The following NOC2L variants were observed in gnomAD, a reference collection of about 807,000 sequenced individuals.
The protein encoded by NOC2L is nucleolar complex protein 2 homolog.
Under a neutral mutation model 94.2 loss-of-function variants are expected in NOC2L, and 101 were observed. The ratio of observed to expected loss-of-function variants is 1.07; its 90% CI spans 0.91 to 1.26. The LOEUF is 1.26. Among genes scored for constraint, NOC2L ranks in the 50% most tolerant of loss-of-function variants. The pLI, the probability that NOC2L is intolerant of heterozygous loss-of-function variation, is 0.00. For synonymous variants in NOC2L, 531 were observed against 413.4 expected, an observed-to-expected ratio of 1.28 and a Z score of -3.45; for missense variants, 1,076 against 980.1, an observed-to-expected ratio of 1.10 and a Z score of -1.31.
At chr1:947,347 C>G (rs891507710) in intron 14 of NOC2L, among the ~76,000 whole-genome samples, 7 of 152,228 alleles carry the variant, frequency 4.6e-5, no homozygotes, top group Non-Finnish European at 1.0e-4. Context: ...GGTCCCGGCT[C>G]TGTGCATGTG....
intron 6 of NOC2L, 105 bp downstream of exon 6, chr1:955,818 G>A: frequency 1.0e-6 from 1 of 977,828 alleles, no homozygotes; most frequent in East Asian, 2.6e-5. Flanking sequence ...GAAGACGCTG[G>A]CTCTGTTGCC....
At chr1:949,958 G>A (rs1465090037) in intron 12 of NOC2L, among the ~76,000 whole-genome samples, 1 of 152,222 alleles carries the variant, frequency 6.6e-6, no homozygotes, top group Non-Finnish European at 1.5e-5. Context: ...TAAACAGGGT[G>A]GAGATCGTGA....
At chr1:950,714 G>A (rs1245511605) in intron 12 of NOC2L, among the ~76,000 whole-genome samples, 15 of 152,088 alleles carry the variant, frequency 9.9e-5, no homozygotes, top group Admixed American at 9.8e-4. Context: ...ACACACGCAT[G>A]CATGCACAGA....
At chr1:947,589 G>A (rs1045045032) in intron 14 of NOC2L, among the ~76,000 whole-genome samples, 1 of 152,238 alleles carries the variant, frequency 6.6e-6, no homozygotes, top group Non-Finnish European at 1.5e-5. Context: ...CAGACCTCCC[G>A]TGGGGGCCCA....
At chr1:957,296 C>T in intron 2 of NOC2L, 23 bp from the exon 3 acceptor site, 1 of 1,610,968 alleles carries the variant, frequency 6.2e-7, no homozygotes, top group Non-Finnish European at 8.5e-7. Context: ...AAGTCAGCGA[C>T]CCCAGTGGGA....
intron 16 of NOC2L, 72 bp from the exon 17 acceptor site, chr1:945,725 C>T (rs1250875313): frequency 5.0e-6 from 8 of 1,597,626 alleles, no homozygotes; most frequent in South Asian, 2.2e-5. Flanking sequence ...GGCCAGGCAT[C>T]GCCAGACCCA....
chr1:958,883 G>C, intron 2 of NOC2L, 46 bp downstream of exon 2: 3 of 1,609,790 alleles, frequency 1.9e-6, no homozygotes, highest in Non-Finnish European at 1.7e-6. Context: ...CAACCGGGGT[G>C]GGACAGGACG....
At chr1:947,028 G>T (rs1171460378) in intron 14 of NOC2L, 1 of 164,320 alleles carries the variant, frequency 6.1e-6, no homozygotes, top group African/African-American at 2.4e-5. Context: ...TTGCACTCCA[G>T]CCTGGGCAAC....
intron 10 of NOC2L, 33 bp downstream of exon 10, chr1:952,379 C>T: frequency 6.2e-7 from 1 of 1,607,304 alleles, no homozygotes; most frequent in Non-Finnish European, 8.5e-7. Flanking sequence ...CACCCCATGC[C>T]CAGCATGAGC....
chr1:950,372 GAC>G (rs757547988), intron 12 of NOC2L, among the ~76,000 whole-genome samples: 13 of 143,998 alleles, frequency 9.0e-5, no homozygotes, highest in African/African-American at 3.4e-4. Flanking sequence ...TGCACAGGTA[GAC>G]ACATGCAGAC....
At chr1:949,734 G>A (rs926002071) in intron 12 of NOC2L, among the ~76,000 whole-genome samples, 2 of 152,194 alleles carry the variant, frequency 1.3e-5, no homozygotes, top group Admixed American at 6.5e-5. Context: ...AGACACAGGG[G>A]CCAGGCCAAG....
rs58931985 is a variant in NOC2L, at chr1:954,070, C to A, written c.711G>T (p.Pro237=). ...GCTTCCCCCAGAGCGGGCTGCTGGA[C>A]GGCTGCAGCATCCTGCAGAGAGACC... The part of the protein sequence containing the change: ...VAKDSSRMLQ[P]SSSPLWGKLR... The change falls in exon 7 of 19, where the codon CCG becomes CCT. Residue 237 remains proline (P), a synonymous_variant. Coordinates refer to ENST00000327044, the MANE Select transcript of NOC2L (RefSeq NM_015658.4). The A allele has an allele frequency of 1.8e-4, 297 of 1,611,130 alleles. No individual in the cohort carries two copies. The African/African-American group carries it at 3.7e-3, about 20-fold the overall frequency.
intron 12 of NOC2L, among the ~76,000 whole-genome samples, chr1:950,498 CAA>C (rs1642227338): frequency 6.6e-6 from 1 of 151,924 alleles, no homozygotes; most frequent in South Asian, 2.1e-4. Flanking sequence ...CACTGGTATA[CAA>C]AGACACATGC....
chr1:944,834 C>G (rs755415900), intron 18 of NOC2L, 34 bp from the exon 19 acceptor site: 1 of 1,459,024 alleles, frequency 6.9e-7, no homozygotes, highest in East Asian at 2.3e-5. Flanking sequence ...ATAAATTTTG[C>G]TTTATCAGGA....
rs1642063189 is a variant in NOC2L at position 945,131 on chromosome 1, A to G, written c.2069T>C (p.Leu690Pro). The G allele has an allele frequency of 6.2e-7, 1 of 1,609,526 alleles. No individual in the cohort carries two copies. Residue 690 changes from leucine (L) to proline (P), a missense_variant, in exon 18 of 19, where the codon CTG becomes CCG. Around this residue, in one of 3 missense-constraint regions of NOC2L, gnomAD observed 615 missense variants for 577.4 expected, o/e 1.07. Transcript: ENST00000327044. ...GFSERGILRP[L>P]STRHGVEDDE... is the part of the protein sequence containing the mutation. The stretch of plus-strand genomic sequence containing the variant: ...GTCTTCCACCCCATGCCGAGTGCTC[A>G]GGGGCCTCAGTATCCCTGAGGAACA...
In NOC2L at chr1:957,018, C is replaced by G. The variant is rs1642422366; in HGVS notation, c.362G>C (p.Ser121Thr). The G allele has an allele frequency of 1.9e-6, 3 of 1,614,086 alleles. No homozygotes were observed. Among genetic ancestry groups the G allele is most frequent in the Non-Finnish European group, 8.5e-7 (1 of 1,180,032 alleles). ...HSLPDVLEEA[S>T]EEEDGAEEGE... ...TTCCTCCGCTCCATCCTCCTCCTCA[C>G]TGGCTTCCTGCACAGAAAGGCTGAG... is the stretch of plus-strand genomic sequence containing the variant. The change falls in exon 4 of 19, where the codon AGT becomes ACT. Residue 121 changes from serine (S) to threonine (T), a missense_variant. Around this residue, in one of 3 missense-constraint regions of NOC2L, gnomAD observed 457 missense variants for 386.0 expected, o/e 1.18. Coordinates refer to ENST00000327044, the MANE Select transcript of NOC2L (RefSeq NM_015658.4).
chr1:955,933 C>G lies in NOC2L; in HGVS notation c.688G>C (p.Asp230His). Residue 230 changes from aspartate to histidine, a missense_variant, in exon 6 of 19, where the codon GAT (aspartate) becomes CAT (histidine). Asp to His is a moderately conservative substitution (Grantham distance 81). This residue lies in a region of NOC2L where 457 missense variants were observed against 386.0 expected (regional missense o/e 1.18). Transcript: ENST00000327044. ...QKLLFGKVAKDSSRMLQPSSS... is the reference protein window; with the variant it reads ...QKLLFGKVAKHSSRMLQPSSS... ...CCCCTCCCCTCTTACCTGCTGCTAT[C>G]CTTTGCCACCTTTCCAAACAGCAGC... 6.4e-7 allele frequency: 1 copy of G among 1,572,324 alleles called. No individual in the cohort carries two copies. Among genetic ancestry groups the G allele is most frequent in the Admixed American group, 1.7e-5 (1 of 59,346 alleles).
chr1:955,775 C>T (rs1339867830), intron 6 of NOC2L, 148 bp downstream of exon 6: 18 of 685,260 alleles, frequency 2.6e-5, no homozygotes, highest in Non-Finnish European at 4.3e-5. Context: ...CCCAACGGTC[C>T]CTCGTGCCCC....
Position 959,230 on chromosome 1 carries a change from G to A in NOC2L, c.11C>T (p.Ala4Val), listed in dbSNP as rs140357200. 79 of 1,606,698 alleles carry A rather than the reference G, an allele frequency of 4.9e-5. No homozygotes were observed. In the African/African-American group the frequency reaches 9.1e-4, roughly 18 times the overall value. Reference sequence around the variant, plus strand: ...CGCGGCTTACCTCTTGCGGCTCCCCGCAGCTGCCATGACACCAACCCGAAG... The same window carrying A: ...CGCGGCTTACCTCTTGCGGCTCCCCACAGCTGCCATGACACCAACCCGAAG... MAA[A>V]GSRKRRLAEL... Residue 4 changes from alanine (A) to valine (V), a missense_variant, in exon 1 of 19, where the codon GCG becomes GTG. Coordinates refer to ENST00000327044, the MANE Select transcript of NOC2L (RefSeq NM_015658.4).
Sources: gnomAD v4.1 joint callset for allele counts (sites outside exome capture counted in the v4.1 genomes callset) on GRCh38, gnomAD v4.1.1 for gene constraint, gnomAD v4.1.1 regional missense constraint, MANE v1.5 for transcripts, NCBI Gene and HGNC (gene_info 2026-07-23, HGNC 2026-07-21) for gene names.